The following BTBD9 variants were observed in gnomAD, a reference collection of about 807,000 sequenced individuals.
BTBD9 encodes BTB/POZ domain-containing protein 9.
Under a neutral mutation model 64.3 loss-of-function variants are expected in BTBD9, and 49 were observed. The ratio of observed to expected loss-of-function variants is 0.76; its 90% CI spans 0.61 to 0.97. BTBD9 has a LOEUF of 0.97. Among genes scored for constraint, BTBD9 ranks in the 50% least tolerant of loss-of-function variants. The pLI is 0.00. For synonymous variants in BTBD9, 260 were observed against 274.7 expected, an observed-to-expected ratio of 0.95 and a Z score of 0.53; for missense variants, 598 against 762.1, an observed-to-expected ratio of 0.78 and a Z score of 2.53.
intron 8 of BTBD9, among the ~76,000 whole-genome samples, chr6:38,273,486 G>A (rs1765263811): frequency 6.6e-6 from 1 of 152,170 alleles, no homozygotes; most frequent in South Asian, 2.1e-4. Context: ...ACACAGTCAT[G>A]CAATTCAAAA....
Position 38,503,212 on chromosome 6 carries a change from C to T in BTBD9, c.1154+74388G>A, listed in dbSNP as rs552714237. Among the ~76,000 whole-genome samples, 4 of 152,228 alleles carry T rather than the reference C, an allele frequency of 2.6e-5. No individual in the cohort carries two copies. In the East Asian group the frequency reaches 7.7e-4, roughly 29 times the overall value. Reference sequence around the variant, plus strand: ...TCCTCTCATGTCTCCTACCCAATCCCCCATCGCCCTACTCTCAGCAGCTGT... The same window carrying T: ...TCCTCTCATGTCTCCTACCCAATCCTCCATCGCCCTACTCTCAGCAGCTGT... On this transcript the variant is annotated intron_variant, in intron 6 of 10. Transcript: ENST00000481247.
chr6:38,386,804 G>A (rs1766192656), intron 6 of BTBD9, among the ~76,000 whole-genome samples: 1 of 151,804 alleles, frequency 6.6e-6, no homozygotes, highest in South Asian at 2.1e-4. Flanking sequence ...ACAACATCCA[G>A]CCAATTTTTA....
chr6:38,323,721 TGGCTA>T, intron 7 of BTBD9, among the ~76,000 whole-genome samples: 1 of 152,328 alleles, frequency 6.6e-6, no homozygotes, highest in Non-Finnish European at 1.5e-5. Flanking sequence ...TTAATTTGCT[TGGCTA>T]ATTCACACAA....
At chr6:38,352,614 C>T (rs1007602422) in intron 6 of BTBD9, among the ~76,000 whole-genome samples, 7 of 152,176 alleles carry the variant, frequency 4.6e-5, no homozygotes, top group African/African-American at 1.7e-4. Flanking sequence ...CTTAATTTTT[C>T]TCAATCCCAG....
At chr6:38,390,143 T>C (rs1371588883) in intron 6 of BTBD9, among the ~76,000 whole-genome samples, 1 of 152,204 alleles carries the variant, frequency 6.6e-6, no homozygotes, top group African/African-American at 2.4e-5. Flanking sequence ...AGGCTTTCAT[T>C]CTCCTCGGGA....
intron 6 of BTBD9, chr6:38,571,603 C>A (rs1241888907): frequency 3.9e-5 from 6 of 152,152 alleles, no homozygotes; most frequent in African/African-American, 1.4e-4. Flanking sequence ...CCACAGTAGA[C>A]CAGCTACTGC....
intron 6 of BTBD9, among the ~76,000 whole-genome samples, chr6:38,420,088 A>T (rs1767837797): frequency 1.3e-5 from 2 of 151,992 alleles, no homozygotes; most frequent in Non-Finnish European, 1.5e-5. Context: ...AATAAGTAAT[A>T]AAAAAAATCA....
At chr6:38,321,828 C>T (rs1243200147) in intron 7 of BTBD9, among the ~76,000 whole-genome samples, 1 of 151,716 alleles carries the variant, frequency 6.6e-6, no homozygotes, top group African/African-American at 2.4e-5. Flanking sequence ...TTTATACACA[C>T]ACACACACAC....
chr6:38,428,800 C>A (rs2127292592), intron 6 of BTBD9, among the ~76,000 whole-genome samples: 1 of 150,856 alleles, frequency 6.6e-6, no homozygotes, highest in South Asian at 2.1e-4. Context: ...GCAAACTCTG[C>A]CTCCCGGATT....
intron 1 of BTBD9, among the ~76,000 whole-genome samples, chr6:38,604,539 C>A (rs1234923323): frequency 1.2e-4 from 18 of 152,124 alleles, no homozygotes; most frequent in Non-Finnish European, 5.9e-5. Flanking sequence ...AAAGTCTCTA[C>A]TTTTGAAGAA....
chr6:38,580,378 T>G lies in BTBD9; in HGVS notation c.874A>C (p.Lys292Gln). The change falls in exon 5 of 11, where the codon AAA (lysine) becomes CAA (glutamine). Residue 292 changes from lysine to glutamine, a missense_variant. Physicochemically the swap from Lys to Gln is moderately conservative, Grantham distance 53 (BLOSUM62 1). Transcript: ENST00000481247. ...GTATCACCATCTAATAAGGCTGATT[T>G]CAGCTCCCCCTTTACAACTTGGGCT... ...YGAQVVKGEL[K>Q]SALLDGDTQN... 6.2e-7 allele frequency: 1 copy of G among 1,614,262 alleles called. No homozygotes were observed. Among genetic ancestry groups the G allele is most frequent in the South Asian group, 1.1e-5 (1 of 91,090 alleles).
At chr6:38,339,159 C>A (rs987598488) in intron 7 of BTBD9, among the ~76,000 whole-genome samples, 7 of 152,158 alleles carry the variant, frequency 4.6e-5, no homozygotes, top group African/African-American at 1.7e-4. Flanking sequence ...AAGACTTATA[C>A]ACAAGGCAAT....
At chr6:38,580,841 G>A (rs888510596) in intron 4 of BTBD9, among the ~76,000 whole-genome samples, 1 of 152,018 alleles carries the variant, frequency 6.6e-6, no homozygotes, top group Admixed American at 6.6e-5. Context: ...ACTAGAAAAG[G>A]CATGTACTAG....
chr6:38,494,586 T>C (rs1771863900), intron 6 of BTBD9, among the ~76,000 whole-genome samples: 1 of 152,220 alleles, frequency 6.6e-6, no homozygotes, highest in South Asian at 2.1e-4. Flanking sequence ...GATGAGTACA[T>C]ATGGTGAGTT....
chr6:38,534,380 C>A (rs1773923400), intron 6 of BTBD9, among the ~76,000 whole-genome samples: 2 of 151,538 alleles, frequency 1.3e-5, no homozygotes, highest in Admixed American at 1.3e-4. Context: ...ATTAAAAATT[C>A]TCCCAGCAAA....
At position 38,593,584 on chromosome 6, in the gene BTBD9, T is replaced by G. The variant is rs187440715; in HGVS notation, c.549+380A>C. 3.3e-4 allele frequency among the ~76,000 whole-genome samples: 50 copies of G among 152,340 alleles called. 1 individual carries two copies. The highest frequency in any genetic ancestry group is 1.1e-3 in the African/African-American group (44 of 41,578). On this transcript the variant is annotated intron_variant, in intron 3 of 10. Coordinates refer to ENST00000481247, the MANE Select transcript of BTBD9 (RefSeq NM_001099272.2). ...ATCAAATGTTGCATCAGATCTCCTCTATGAATTTGCCTGCTTGCTCTAAGG... is the reference window on the plus strand; with the variant it reads ...ATCAAATGTTGCATCAGATCTCCTCGATGAATTTGCCTGCTTGCTCTAAGG...
intron 6 of BTBD9, among the ~76,000 whole-genome samples, chr6:38,355,066 C>A (rs1388483607): frequency 1.3e-5 from 2 of 152,140 alleles, no homozygotes; most frequent in African/African-American, 4.8e-5. Context: ...ACTCCAGTTT[C>A]CAAATAGCAT....
At chr6:38,357,940 G>T (rs1417201341) in intron 6 of BTBD9, among the ~76,000 whole-genome samples, 1 of 151,994 alleles carries the variant, frequency 6.6e-6, no homozygotes, top group Non-Finnish European at 1.5e-5. Context: ...TCCAAACAAG[G>T]ATATGTCCAG....
intron 6 of BTBD9, among the ~76,000 whole-genome samples, chr6:38,507,330 T>C (rs536326579): frequency 9.1e-4 from 139 of 152,328 alleles, no homozygotes; most frequent in African/African-American, 3.2e-3. Flanking sequence ...TACTAAATGA[T>C]TACTCCAGGA....
Sources: allele counts gnomAD v4.1 joint callset (sites outside exome capture counted in the v4.1 genomes callset), GRCh38; gene constraint gnomAD v4.1.1; transcripts MANE v1.5; gene names NCBI Gene and HGNC (gene_info 2026-07-23, HGNC 2026-07-21).